The following SLC24A4 variants were observed in gnomAD, a reference collection of about 807,000 sequenced individuals.
SLC24A4 encodes the protein solute carrier family 24 member 4, also known as sodium/potassium/calcium exchanger 4.
In SLC24A4, 53 loss-of-function variants were observed where a neutral mutation model predicts 79.0. The observed-to-expected ratio is 0.67, with a 90% CI of 0.54 to 0.84. The LOEUF (loss-of-function observed/expected upper bound fraction) is 0.84. SLC24A4 is among the 40% of genes least tolerant of loss of function. The pLI is 0.00. For synonymous variants in SLC24A4, 323 were observed against 323.8 expected, an observed-to-expected ratio of 1.00 and a Z score of 0.03; for missense variants, 731 against 822.0, an observed-to-expected ratio of 0.89 and a Z score of 1.35.
At chr14:92,492,956 C>G (rs1466803415) in intron 16 of SLC24A4, 1 of 359,362 alleles carries the variant, frequency 2.8e-6, no homozygotes, top group African/African-American at 3.9e-5. Flanking sequence ...ACCCTCTACC[C>G]CAAACACACA....
rs1362103077 is a variant in SLC24A4 at position 92,353,814 on chromosome 14, G to A, written c.241+27836G>A. On this transcript the variant is annotated intron_variant, in intron 2 of 16. Transcript: ENST00000532405. This position sits in a 1 kb window ranked among gnomAD's most constrained non-coding sequence, Gnocchi z 4.1. ...CATGGCCAGGGGAGGCATCTTGAGTGTTCAGTTCCCTGAAGCAGCTGTAAA... is the reference window on the plus strand; with the variant it reads ...CATGGCCAGGGGAGGCATCTTGAGTATTCAGTTCCCTGAAGCAGCTGTAAA... 1.3e-5 allele frequency among the ~76,000 whole-genome samples: 2 copies of A among 152,202 alleles called. No individual in the cohort carries two copies. Among genetic ancestry groups the A allele is most frequent in the East Asian group, 1.9e-4 (1 of 5,198 alleles).
Position 92,497,158 on chromosome 14 carries a change from T to C in SLC24A4, c.*3530T>C, listed in dbSNP as rs1040205645. The C allele has an allele frequency of 6.6e-6, 1 of 152,334 alleles. No individual in the cohort carries two copies. The highest frequency in any genetic ancestry group is 6.5e-5 in the Admixed American group (1 of 15,282). 9.4% of individuals were successfully genotyped at this position (152,334 alleles called of 1,614,324 possible). A position where few individuals can be genotyped will look rare whatever the true frequency, so the allele number is the denominator to read the frequency against. ...CTCACCTGTTAGGACTGTTTCTTGC[T>C]TTTGCCCCTGTCGGTCCCCTGCCTT... On this transcript the variant is annotated 3_prime_UTR_variant, in exon 17 of 17. Coordinates refer to ENST00000532405, the MANE Select transcript of SLC24A4 (RefSeq NM_153646.4).
At chr14:92,401,205 C>A (rs1195455877) in intron 2 of SLC24A4, among the ~76,000 whole-genome samples, 1 of 152,116 alleles carries the variant, frequency 6.6e-6, no homozygotes, top group Non-Finnish European at 1.5e-5. Context: ...CAAATCAAGT[C>A]GATAAGAATT....
chr14:92,449,778 C>T (rs757470990), intron 10 of SLC24A4, among the ~76,000 whole-genome samples: 10 of 152,230 alleles, frequency 6.6e-5, no homozygotes, highest in Non-Finnish European at 1.0e-4. Flanking sequence ...CAGACAGCCC[C>T]GCCGGGGAGC....
chr14:92,387,280 G>A (rs998953689), intron 2 of SLC24A4, among the ~76,000 whole-genome samples: 29 of 151,736 alleles, frequency 1.9e-4, no homozygotes, highest in African/African-American at 5.1e-4. Context: ...AGGTTCAAGC[G>A]ATTCTCCTGC....
rs1168486509 is a variant in SLC24A4, at chr14:92,493,483, G to A, written c.1724G>A (p.Gly575Asp). ...CACACTCTGTCCTCCCAGGTCCTCGGCATCCACCTAAACAAGTGGCGACTG... is the reference window on the plus strand; with the variant it reads ...CACACTCTGTCCTCCCAGGTCCTCGACATCCACCTAAACAAGTGGCGACTG... ...LLGSVALTVLGIHLNKWRLDR... is the reference protein window; with the variant it reads ...LLGSVALTVLDIHLNKWRLDR... The change falls in exon 17 of 17, where the codon GGC becomes GAC. Residue 575 changes from glycine (G) to aspartate (D), a missense_variant. By Grantham distance (94) the Gly-to-Asp change is moderately conservative. Coordinates refer to ENST00000532405, the MANE Select transcript of SLC24A4 (RefSeq NM_153646.4). 1.9e-6 allele frequency: 3 copies of A among 1,614,028 alleles called. No individual in the cohort carries two copies. The highest frequency in any genetic ancestry group is 1.7e-5 in the Admixed American group (1 of 60,004).
intron 2 of SLC24A4, among the ~76,000 whole-genome samples, chr14:92,367,011 A>G (rs536940861): frequency 6.6e-6 from 1 of 152,270 alleles, no homozygotes; most frequent in Non-Finnish European, 1.5e-5. Context: ...CTTTCTGCAC[A>G]GCTTTGGGGT....
At position 92,323,834 on chromosome 14, in the gene SLC24A4, G is replaced by C. The variant is rs553728525; in HGVS notation, c.4G>C (p.Ala2Pro). Residue 2 changes from alanine (A) to proline (P), a missense_variant, in exon 1 of 17, where the codon GCG becomes CCG. Physicochemically the swap from Ala to Pro is conservative, Grantham distance 27. Transcript: ENST00000532405. This position sits in a 1 kb window ranked among gnomAD's most constrained non-coding sequence, Gnocchi z 4.9. The part of the protein sequence containing the change: M[A>P]LRGTLRPLKV... ...GACGGCACCCAGGCGCTCCGGGATG[G>C]CGCTCCGCGGGACCCTCCGGCCGCT... 8.9e-6 allele frequency: 14 copies of C among 1,574,048 alleles called. No homozygotes were observed. In the East Asian group the frequency reaches 2.7e-4, roughly 31 times the overall value.
chr14:92,484,702 C>T, intron 13 of SLC24A4: 1 of 985,404 alleles, frequency 1.0e-6, no homozygotes, highest in East Asian at 1.1e-4. Context: ...CTTGAACATT[C>T]AAGTCCCCCA....
rs1220727817 is a variant in SLC24A4, at chr14:92,398,534, TGAAG to T, written c.242-35377_242-35374del. On this transcript the variant is annotated intron_variant, in intron 2 of 16. Coordinates refer to ENST00000532405, the MANE Select transcript of SLC24A4 (RefSeq NM_153646.4). The surrounding 1 kb of genome is among the most constrained non-coding windows in gnomAD (Gnocchi z 4.1). ...GTTATTGACATCTCCTTCTCTTTCCTGAAGTTTTCTGTGCCCTAAGAAAAAGCCT... is the reference window on the plus strand; with the variant it reads ...GTTATTGACATCTCCTTCTCTTTCCTTTTTCTGTGCCCTAAGAAAAAGCCT... 6.6e-6 allele frequency among the ~76,000 whole-genome samples: 1 copy of T among 152,168 alleles called. No individual in the cohort carries two copies.
In SLC24A4 at chr14:92,442,137, G is replaced by A. The variant is rs764214827; in HGVS notation, c.442G>A (p.Gly148Arg). 3.1e-6 allele frequency: 5 copies of A among 1,614,016 alleles called. No homozygotes were observed. Among genetic ancestry groups the A allele is most frequent in the Non-Finnish European group, 4.2e-6 (5 of 1,179,966 alleles). ...DVAGATFMAAGSSTPELFASV... is the reference protein window; with the variant it reads ...DVAGATFMAARSSTPELFASV... The stretch of plus-strand genomic sequence containing the variant: ...GGCTGGAGCCACCTTCATGGCTGCA[G>A]GAAGCTCAACGCCAGAGCTGTTTGC... The change falls in exon 5 of 17, where the codon GGA becomes AGA. Residue 148 changes from glycine to arginine, a missense_variant. Physicochemically the swap from Gly to Arg is moderately radical, Grantham distance 125. Transcript: ENST00000532405.
chr14:92,472,004 C>T (rs1894462446), intron 12 of SLC24A4, among the ~76,000 whole-genome samples: 1 of 152,154 alleles, frequency 6.6e-6, no homozygotes, highest in Admixed American at 6.5e-5. Context: ...CTGAGGCCTC[C>T]CTGCCTGGGG....
intron 2 of SLC24A4, among the ~76,000 whole-genome samples, chr14:92,394,493 C>T (rs1889660274): frequency 1.3e-5 from 2 of 152,090 alleles, no homozygotes; most frequent in South Asian, 4.2e-4. Context: ...TAGTCCCAGC[C>T]ACGCAGGAGA....
chr14:92,442,453 T>C (rs910970233), intron 5 of SLC24A4, among the ~76,000 whole-genome samples: 6 of 152,242 alleles, frequency 3.9e-5, no homozygotes, highest in African/African-American at 1.4e-4. Flanking sequence ...CCGAATTGTA[T>C]ATTTAAATGG....
intron 14 of SLC24A4, 110 bp downstream of exon 14, chr14:92,486,890 A>C: frequency 1.5e-6 from 1 of 687,848 alleles, no homozygotes. Flanking sequence ...GGCAGTTGTC[A>C]AGTCCTGCTG....
rs1472575134 is a variant in SLC24A4, at chr14:92,496,792, C to T, written c.*3164C>T. 1.3e-5 allele frequency: 2 copies of T among 151,958 alleles called. No individual in the cohort carries two copies. The highest frequency in any genetic ancestry group is 6.6e-5 in the Admixed American group (1 of 15,256). 9.4% of individuals were successfully genotyped at this position (151,958 alleles called of 1,614,324 possible). Reference sequence around the variant, plus strand: ...TGTCTCCTCCTTATGCACAGAGCTGCCTGCCTTTATGAATTTTCTTTTCTT... The same window carrying T: ...TGTCTCCTCCTTATGCACAGAGCTGTCTGCCTTTATGAATTTTCTTTTCTT... On this transcript the variant is annotated 3_prime_UTR_variant, in exon 17 of 17. Coordinates refer to ENST00000532405, the MANE Select transcript of SLC24A4 (RefSeq NM_153646.4).
chr14:92,403,390 G>A (rs957238175), intron 2 of SLC24A4, among the ~76,000 whole-genome samples: 2 of 151,762 alleles, frequency 1.3e-5, no homozygotes, highest in South Asian at 2.1e-4. Context: ...GGTGGATCAC[G>A]AGGTCAGAAG....
chr14:92,348,885 A>G (rs968437384), intron 2 of SLC24A4, among the ~76,000 whole-genome samples: 8 of 152,204 alleles, frequency 5.3e-5, no homozygotes, highest in Admixed American at 1.3e-4. Context: ...ATTACTCAGA[A>G]TGTTAACAGG....
In SLC24A4 at chr14:92,370,674, A is replaced by C. The variant is rs547105357; in HGVS notation, c.241+44696A>C. 4.9e-4 allele frequency among the ~76,000 whole-genome samples: 74 copies of C among 152,336 alleles called. 1 individual carries two copies. Among genetic ancestry groups the C allele is most frequent in the East Asian group, 7.7e-4 (4 of 5,192 alleles). On this transcript the variant is annotated intron_variant, in intron 2 of 16. Transcript: ENST00000532405. ...AATATTCTAGAAAGAGAAGACAGGA[A>C]AAACTAGAGGGGGCAGTCATAAAAA...
Sources: allele counts gnomAD v4.1 joint callset (sites outside exome capture counted in the v4.1 genomes callset), GRCh38; gene constraint gnomAD v4.1.1; non-coding constraint Gnocchi (gnomAD v3.1); transcripts MANE v1.5; gene names NCBI Gene and HGNC (gene_info 2026-07-23, HGNC 2026-07-21).